RIC1: variants seen among roughly 807,000 people sequenced by gnomAD.
RIC1 encodes guanine nucleotide exchange factor subunit RIC1.
A neutral mutation model predicts 169.0 loss-of-function variants in RIC1; 88 were observed. That is an observed-to-expected ratio of 0.52 (90% confidence interval 0.44 to 0.62). The LOEUF (loss-of-function observed/expected upper bound fraction) is 0.62. Ranked by LOEUF, RIC1 falls within the 20% of genes least tolerant of loss-of-function variation. The probability of loss-of-function intolerance (pLI) is 0.00; values close to 1 mark genes in which losing one functional copy is unlikely to be tolerated. For synonymous variants in RIC1, 790 were observed against 601.5 expected (o/e 1.31, Z -4.59); for missense variants, 1,877 against 1,725.5 (o/e 1.09, Z -1.56).
rs953546561 is a variant in RIC1 at position 5,671,552 on chromosome 9, G to A, written c.252+14862G>A. On this transcript the variant is annotated intron_variant, in intron 2 of 25. Coordinates refer to ENST00000414202, the MANE Select transcript of RIC1 (RefSeq NM_020829.4). ...CGGCCTCCCGAAGTGTTGGGATTAT[G>A]GGCATGAGTCACTGCACCCAGCCTG... 2.6e-5 allele frequency among the ~76,000 whole-genome samples: 4 copies of A among 152,258 alleles called. No homozygotes were observed. In the Middle Eastern group the frequency reaches 0.01, roughly 388 times the overall value.
chr9:5,740,006 A>C (rs1378268711), intron 8 of RIC1, among the ~76,000 whole-genome samples: 1 of 152,070 alleles, frequency 6.6e-6, no homozygotes, highest in African/African-American at 2.4e-5. Flanking sequence ...AGGAGATAAG[A>C]CCCTCACTCA....
At chr9:5,758,571 C>T (rs1303202408) in intron 17 of RIC1, among the ~76,000 whole-genome samples, 5 of 152,020 alleles carry the variant, frequency 3.3e-5, no homozygotes, top group Admixed American at 1.3e-4. Context: ...CATGATGACC[C>T]GTAAAATATC....
intron 3 of RIC1, among the ~76,000 whole-genome samples, chr9:5,708,880 ATGT>A (rs200642058): frequency 0.01 from 1,579 of 151,776 alleles, 19 homozygotes; most frequent in Non-Finnish European, 0.018. Context: ...GGTATTTATG[ATGT>A]TGTTCCCATA....
At chr9:5,683,867 G>T (rs1045709928) in intron 2 of RIC1, among the ~76,000 whole-genome samples, 2 of 151,814 alleles carry the variant, frequency 1.3e-5, no homozygotes, top group Non-Finnish European at 2.9e-5. Context: ...CCCCAGCCTC[G>T]CTGCCACCTT....
At chr9:5,662,677 G>C (rs1186832848) in intron 2 of RIC1, among the ~76,000 whole-genome samples, 1 of 151,956 alleles carries the variant, frequency 6.6e-6, no homozygotes. Context: ...TTGGGGTCAG[G>C]ATGATATCCC....
intron 23 of RIC1, among the ~76,000 whole-genome samples, chr9:5,770,920 T>C (rs940227447): frequency 2.0e-5 from 3 of 152,178 alleles, no homozygotes; most frequent in Non-Finnish European, 2.9e-5. Flanking sequence ...TTATATAGTA[T>C]AGGAGCTTAA....
chr9:5,719,796 C>CA (rs1239504726), intron 4 of RIC1, among the ~76,000 whole-genome samples: 2 of 152,158 alleles, frequency 1.3e-5, no homozygotes, highest in Non-Finnish European at 2.9e-5. Flanking sequence ...AGTGCCAGAG[C>CA]ATTGTTACCT....
chr9:5,690,561 C>G (rs959586143), intron 3 of RIC1, among the ~76,000 whole-genome samples: 1 of 128,290 alleles, frequency 7.8e-6, no homozygotes, highest in African/African-American at 3.2e-5. Flanking sequence ...GTAAAGCATT[C>G]CATCTTTTTT....
chr9:5,692,413 T>C (rs906150242), intron 3 of RIC1, among the ~76,000 whole-genome samples: 2 of 152,080 alleles, frequency 1.3e-5, no homozygotes, highest in African/African-American at 2.4e-5. Context: ...ACAACTGTTA[T>C]TATCAGTAAT....
At chr9:5,722,746 C>A (rs1368972635) in intron 6 of RIC1, among the ~76,000 whole-genome samples, 1 of 152,092 alleles carries the variant, frequency 6.6e-6, no homozygotes, top group Non-Finnish European at 1.5e-5. Flanking sequence ...TGTGATGTTC[C>A]CCACCTTGTG....
intron 5 of RIC1, 134 bp downstream of exon 5, chr9:5,720,458 TGAGA>T: frequency 8.9e-7 from 1 of 1,119,400 alleles, no homozygotes; most frequent in Non-Finnish European, 1.3e-6. Flanking sequence ...AGAGGCGGGG[TGAGA>T]GAGGCATTTA....
Position 5,643,221 on chromosome 9 carries a change from T to A in RIC1, c.145-13362T>A, listed in dbSNP as rs183347504. ...AATCTGGTGGCTGAGGTGGGAGGAT[T>A]GTTTGAGCCTGGGATGTCTTGATTC... On this transcript the variant is annotated intron_variant, in intron 1 of 25. Transcript: ENST00000414202. 1.4e-3 allele frequency among the ~76,000 whole-genome samples: 217 copies of A among 152,254 alleles called. 1 individual carries two copies. Among genetic ancestry groups the A allele is most frequent in the Non-Finnish European group, 2.8e-3 (191 of 68,012 alleles).
intron 10 of RIC1, among the ~76,000 whole-genome samples, chr9:5,744,894 A>G (rs1009600080): frequency 6.6e-6 from 1 of 152,174 alleles, no homozygotes; most frequent in Non-Finnish European, 1.5e-5. Flanking sequence ...ATTAGTGACT[A>G]TGAGGCTTGT....
In RIC1 at chr9:5,718,139, C is replaced by CAAAAAAAA. The variant is rs35477806; in HGVS notation, c.441-2023_441-2016dup. Reference sequence around the variant, plus strand: ...TGGGCAACAGAGCAAGACTCCGTCTCAAAAAAAAAAAAAAAAAAAAAAAAA... The same window carrying CAAAAAAAA: ...TGGGCAACAGAGCAAGACTCCGTCTCAAAAAAAAAAAAAAAAAAAAAAAAAAAAAAAAA... On this transcript the variant is annotated intron_variant, in intron 4 of 25. Coordinates refer to ENST00000414202, the MANE Select transcript of RIC1 (RefSeq NM_020829.4). Among the ~76,000 whole-genome samples the CAAAAAAAA allele has an allele frequency of 6.8e-4, 19 of 28,088 alleles. 5 individuals are homozygous for CAAAAAAAA. The highest frequency in any genetic ancestry group is 1.0e-3 in the East Asian group (1 of 964). The allele number at this position is 28,088 out of a possible 152,430, so 18.4% of individuals were successfully genotyped here.
At chr9:5,668,750 T>G (rs78647930) in intron 2 of RIC1, among the ~76,000 whole-genome samples, 3,052 of 152,300 alleles carry the variant, frequency 0.02, 39 homozygotes, top group Non-Finnish European at 0.034. Context: ...AATTTTCCCT[T>G]TTATCGATAT....
Position 5,656,656 on chromosome 9 carries a change from A to T in RIC1, c.218A>T (p.Glu73Val), listed in dbSNP as rs1819117201. The change falls in exon 2 of 26, where the codon GAA becomes GTA. Residue 73 changes from glutamate to valine, a missense_variant. By Grantham distance (121) the Glu-to-Val change is moderately radical. Transcript: ENST00000414202. The part of the protein sequence containing the change: ...STQFGSYKQA[E>V]WRPDSTMIAV... ...CAGTTTGGATCCTACAAGCAAGCTG[A>T]ATGGAGGCCAGATAGTACCATGATA... is the stretch of plus-strand genomic sequence containing the variant. 1 of 1,610,532 alleles carries T rather than the reference A, an allele frequency of 6.2e-7. No individual in the cohort carries two copies. Among genetic ancestry groups the T allele is most frequent in the Non-Finnish European group, 8.5e-7 (1 of 1,177,588 alleles).
chr9:5,663,488 T>C (rs1216485165), intron 2 of RIC1, among the ~76,000 whole-genome samples: 1 of 152,236 alleles, frequency 6.6e-6, no homozygotes, highest in Non-Finnish European at 1.5e-5. Flanking sequence ...AAGAACTTGC[T>C]TTAGGAATCT....
rs1456423932 is a variant in RIC1, at chr9:5,714,053, T to C, written c.440+50T>C. 5 of 1,202,896 alleles carry C rather than the reference T, an allele frequency of 4.2e-6. No individual in the cohort carries two copies. In the South Asian group the frequency reaches 5.4e-5, roughly 13 times the overall value. The allele number at this position is 1,202,896 out of a possible 1,614,324, so 74.5% of individuals were successfully genotyped here. A position where few individuals can be genotyped will look rare whatever the true frequency, so the allele number is the denominator to read the frequency against. On this transcript the variant is annotated intron_variant, in intron 4 of 25. Coordinates refer to ENST00000414202, the MANE Select transcript of RIC1 (RefSeq NM_020829.4). Reference sequence around the variant, plus strand: ...CATTGTGTGATGACAGTAGACAATGTAGTTCGTAAATCCCATGACCAACAG... The same window carrying C: ...CATTGTGTGATGACAGTAGACAATGCAGTTCGTAAATCCCATGACCAACAG...
chr9:5,693,318 G>T (rs567832834), intron 3 of RIC1, among the ~76,000 whole-genome samples: 7 of 152,208 alleles, frequency 4.6e-5, no homozygotes, highest in Non-Finnish European at 8.8e-5. Flanking sequence ...ACCTCAGACT[G>T]CATATCCTTT....
Sources: gnomAD v4.1 joint callset for allele counts (sites outside exome capture counted in the v4.1 genomes callset) on GRCh38, gnomAD v4.1.1 for gene constraint, MANE v1.5 for transcripts, NCBI Gene and HGNC (gene_info 2026-07-23, HGNC 2026-07-21) for gene names.